The following TMEFF2 variants were observed in gnomAD, a reference collection of about 807,000 sequenced individuals.
TMEFF2 encodes tomoregulin-2.
In TMEFF2, 28 loss-of-function variants were observed where a neutral mutation model predicts 53.8. That is an observed-to-expected ratio of 0.52 (90% CI 0.39 to 0.71). TMEFF2 has a LOEUF of 0.71. TMEFF2 is among the 30% of genes least tolerant of loss of function. The pLI is 0.00. For missense variants in TMEFF2, 353 were observed against 455.2 expected (o/e 0.78, Z 2.04); for synonymous variants, 162 against 166.3 (o/e 0.97, Z 0.20).
chr2:192,179,734 C>G (rs371235701), intron 3 of TMEFF2, 40 bp from the exon 4 acceptor site: 133 of 1,510,528 alleles, frequency 8.8e-5, no homozygotes, highest in Non-Finnish European at 1.2e-4. Context: ...AAAACATATT[C>G]AAAAATATTT....
intron 7 of TMEFF2, among the ~76,000 whole-genome samples, chr2:191,979,122 TGTATATG>T (rs1437834103): frequency 5.9e-5 from 9 of 152,192 alleles, no homozygotes. Flanking sequence ...GTGACCGTCT[TGTATATG>T]GGCAATGAAA....
chr2:192,103,199 T>A (rs373141765), intron 4 of TMEFF2, among the ~76,000 whole-genome samples: 2 of 152,296 alleles, frequency 1.3e-5, no homozygotes, highest in East Asian at 3.9e-4. Flanking sequence ...TTTTCTGATG[T>A]TTATCCCTGC....
At chr2:192,138,308 G>C (rs535866682) in intron 4 of TMEFF2, among the ~76,000 whole-genome samples, 2 of 152,316 alleles carry the variant, frequency 1.3e-5, no homozygotes, top group South Asian at 4.1e-4. Flanking sequence ...TGTGACATCG[G>C]TACAGATATC....
At chr2:191,968,330 A>G (rs1692526891) in intron 7 of TMEFF2, among the ~76,000 whole-genome samples, 2 of 152,232 alleles carry the variant, frequency 1.3e-5, no homozygotes, top group African/African-American at 4.8e-5. Flanking sequence ...GCGGCAGGAA[A>G]GAAGACAAAT....
At chr2:192,159,053 C>T (rs1690573786) in intron 4 of TMEFF2, among the ~76,000 whole-genome samples, 1 of 152,098 alleles carries the variant, frequency 6.6e-6, no homozygotes, top group South Asian at 2.1e-4. Context: ...AACTCCTCCT[C>T]AAGGCCAAGA....
intron 4 of TMEFF2, among the ~76,000 whole-genome samples, chr2:192,137,256 G>T (rs1176375497): frequency 1.3e-5 from 2 of 152,200 alleles, no homozygotes; most frequent in African/African-American, 4.8e-5. Context: ...GTACCCAAGA[G>T]ATGTGAAGTG....
intron 5 of TMEFF2, among the ~76,000 whole-genome samples, chr2:192,029,792 TGAGA>T (rs929756480): frequency 6.6e-6 from 1 of 152,232 alleles, no homozygotes; most frequent in African/African-American, 2.4e-5. Context: ...CATTGCATGT[TGAGA>T]TAGATAACAT....
At position 192,043,495 on chromosome 2, in the gene TMEFF2, A is replaced by G. The variant is rs146097828; in HGVS notation, c.536+14184T>C. ...GACCTTTCACGGACTAATGGACACT[A>G]GCTCTGAACTGACACTAATTACAAA... is the stretch of plus-strand genomic sequence containing the variant. On this transcript the variant is annotated intron_variant, in intron 5 of 9. Transcript: ENST00000272771. 2.9e-3 allele frequency among the ~76,000 whole-genome samples: 442 copies of G among 152,328 alleles called. 1 individual carries two copies. Among genetic ancestry groups the G allele is most frequent in the Non-Finnish European group, 5.1e-3 (348 of 68,030 alleles).
intron 7 of TMEFF2, among the ~76,000 whole-genome samples, chr2:191,977,349 T>C (rs1685754671): frequency 2.0e-5 from 3 of 152,240 alleles, no homozygotes; most frequent in Admixed American, 2.0e-4. Flanking sequence ...TCACCTGCTA[T>C]GCTCTCACCT....
intron 2 of TMEFF2, among the ~76,000 whole-genome samples, chr2:192,189,099 G>A (rs1025524935): frequency 3.9e-5 from 6 of 152,128 alleles, no homozygotes; most frequent in African/African-American, 1.4e-4. Context: ...TATGTTTGAA[G>A]GACAGAAATC....
At chr2:192,033,750 C>A (rs1387553736) in intron 5 of TMEFF2, among the ~76,000 whole-genome samples, 1 of 151,876 alleles carries the variant, frequency 6.6e-6, no homozygotes, top group African/African-American at 2.4e-5. Context: ...TGTGATTATC[C>A]CACACCTATG....
rs760431118 is a variant in TMEFF2 at position 191,999,034 on chromosome 2, GA to G, written c.685+25del. ...TGCACAAAGACTAAAATCATTCTTT[GA>G]AATGAATTTTGGTATGAACATTACC... On this transcript the variant is annotated intron_variant, in intron 6 of 9. Transcript: ENST00000272771. The G allele has an allele frequency of 3.2e-6, 5 of 1,566,936 alleles. No homozygotes were observed. The Admixed American group carries it at 9.1e-5, about 29-fold the overall frequency.
At chr2:192,092,433 T>C (rs1688810999) in intron 4 of TMEFF2, among the ~76,000 whole-genome samples, 2 of 152,110 alleles carry the variant, frequency 1.3e-5, no homozygotes, top group Non-Finnish European at 2.9e-5. Flanking sequence ...CTATAAAAAC[T>C]GCCAAAAAAA....
intron 4 of TMEFF2, among the ~76,000 whole-genome samples, chr2:192,065,943 G>T (rs538991559): frequency 9.9e-5 from 15 of 151,804 alleles, no homozygotes; most frequent in African/African-American, 3.6e-4. Flanking sequence ...TCCCACATGT[G>T]AGTAAGTTGT....
At chr2:192,128,152 AT>A (rs5837285) in intron 4 of TMEFF2, among the ~76,000 whole-genome samples, 151,493 of 152,280 alleles carry the variant, frequency 0.99, 75,360 homozygotes, top group Middle Eastern at 1. Context: ...ATCTGTCACA[AT>A]TTTTTTAAAA....
At chr2:192,126,966 G>C (rs1172882399) in intron 4 of TMEFF2, among the ~76,000 whole-genome samples, 1 of 152,126 alleles carries the variant, frequency 6.6e-6, no homozygotes, top group Non-Finnish European at 1.5e-5. Flanking sequence ...TTAGAATTTT[G>C]TTGTTTTGCT....
At chr2:191,974,977 A>G (rs1220359643) in intron 7 of TMEFF2, among the ~76,000 whole-genome samples, 1 of 152,124 alleles carries the variant, frequency 6.6e-6, no homozygotes, top group African/African-American at 2.4e-5. Flanking sequence ...AATTAATTAT[A>G]ACATCATCCA....
intron 4 of TMEFF2, among the ~76,000 whole-genome samples, chr2:192,126,743 G>C (rs1689687330): frequency 6.6e-6 from 1 of 152,170 alleles, no homozygotes; most frequent in Non-Finnish European, 1.5e-5. Context: ...CAGAGAGACA[G>C]GGTAAATTCC....
intron 5 of TMEFF2, among the ~76,000 whole-genome samples, chr2:192,042,200 C>CA (rs35728678): frequency 0.11 from 15,888 of 139,344 alleles, 1,081 homozygotes; most frequent in East Asian, 0.35. Flanking sequence ...GACTCTGTCT[C>CA]AAAAAAAAAA....
Sources: gnomAD v4.1 joint callset for allele counts (sites outside exome capture counted in the v4.1 genomes callset) on GRCh38, gnomAD v4.1.1 for gene constraint, MANE v1.5 for transcripts, NCBI Gene and HGNC (gene_info 2026-07-23, HGNC 2026-07-21) for gene names.